Variants in RHOJ observed in about 807,000 individuals in gnomAD.
RHOJ encodes ras homolog family member J.
Under a neutral mutation model 23.4 loss-of-function variants are expected in RHOJ, and 11 were observed. The observed-to-expected ratio is 0.47, with a 90% CI of 0.30 to 0.78. The LOEUF (loss-of-function observed/expected upper bound fraction) is 0.78. Ranked by LOEUF, RHOJ falls within the 30% of genes least tolerant of loss-of-function variation. The pLI is 0.08. For missense variants in RHOJ, 254 were observed against 273.4 expected (o/e 0.93, Z 0.50); for synonymous variants, 102 against 102.7 (o/e 0.99, Z 0.04).
At chr14:63,230,131 G>A (rs1283527934) in intron 1 of RHOJ, among the ~76,000 whole-genome samples, 4 of 151,878 alleles carry the variant, frequency 2.6e-5, no homozygotes, top group African/African-American at 4.8e-5. Context: ...GCAAGCAAAG[G>A]TATGTGTATG....
intron 1 of RHOJ, among the ~76,000 whole-genome samples, chr14:63,248,242 G>A (rs1223900382): frequency 6.6e-6 from 1 of 151,876 alleles, no homozygotes; most frequent in Non-Finnish European, 1.5e-5. Context: ...ATTCAAATGG[G>A]GGCAAAATTT....
intron 1 of RHOJ, among the ~76,000 whole-genome samples, chr14:63,236,222 G>A (rs777362399): frequency 6.6e-5 from 10 of 152,144 alleles, no homozygotes; most frequent in Non-Finnish European, 1.2e-4. Context: ...TTGGAACAAG[G>A]TCTCTTCAGT....
At chr14:63,250,476 C>A (rs1016094289) in intron 1 of RHOJ, among the ~76,000 whole-genome samples, 4 of 152,062 alleles carry the variant, frequency 2.6e-5, no homozygotes, top group African/African-American at 4.8e-5. Context: ...TAGGCTCAAG[C>A]GATCTGCCCA....
intron 1 of RHOJ, among the ~76,000 whole-genome samples, chr14:63,231,741 T>C (rs1335784502): frequency 1.3e-5 from 2 of 152,236 alleles, no homozygotes; most frequent in Non-Finnish European, 2.9e-5. Context: ...CATCAATATA[T>C]GTAGCAGTGT....
chr14:63,284,479 T>C (rs991436823), intron 4 of RHOJ: 6 of 444,678 alleles, frequency 1.3e-5, no homozygotes, highest in Non-Finnish European at 1.8e-5. Flanking sequence ...GAAACAGTCT[T>C]AGAAGACAAG....
intron 1 of RHOJ, among the ~76,000 whole-genome samples, chr14:63,222,488 T>G (rs1894515971): frequency 6.6e-6 from 1 of 152,178 alleles, no homozygotes; most frequent in Non-Finnish European, 1.5e-5. Context: ...CAGCACCTGT[T>G]GTTTCCTGAC....
intron 1 of RHOJ, among the ~76,000 whole-genome samples, chr14:63,234,596 G>T (rs1036730661): frequency 9.2e-5 from 14 of 152,084 alleles, no homozygotes; most frequent in Non-Finnish European, 2.1e-4. Context: ...CAGATCTAAA[G>T]CCTTTGAATA....
intron 4 of RHOJ, among the ~76,000 whole-genome samples, chr14:63,289,344 T>C (rs1311955369): frequency 1.3e-5 from 2 of 152,162 alleles, no homozygotes; most frequent in African/African-American, 4.8e-5. Context: ...CATAGTCCCC[T>C]CCTCTCCCTA....
intron 2 of RHOJ, among the ~76,000 whole-genome samples, chr14:63,270,826 G>T (rs1426943190): frequency 6.6e-6 from 1 of 152,180 alleles, no homozygotes; most frequent in Non-Finnish European, 1.5e-5. Flanking sequence ...TTCCGAAAAA[G>T]TCTCTCTGTC....
intron 4 of RHOJ, among the ~76,000 whole-genome samples, chr14:63,287,724 C>T (rs989981394): frequency 2.0e-5 from 3 of 152,058 alleles, no homozygotes; most frequent in Admixed American, 6.5e-5. Flanking sequence ...AGTTTACACC[C>T]TCAATCTCTA....
intron 1 of RHOJ, among the ~76,000 whole-genome samples, chr14:63,266,218 A>G (rs369498341): frequency 6.6e-6 from 1 of 152,214 alleles, no homozygotes; most frequent in Non-Finnish European, 1.5e-5. Context: ...ATGTGATGCT[A>G]TACTAGAGTC....
intron 4 of RHOJ, among the ~76,000 whole-genome samples, chr14:63,285,780 T>C (rs990426248): frequency 3.3e-5 from 5 of 152,216 alleles, no homozygotes; most frequent in South Asian, 4.1e-4. Flanking sequence ...GCACCTAATA[T>C]GTGCCAGGTG....
At position 63,291,189 on chromosome 14, in the gene RHOJ, C is replaced by A; in HGVS notation, c.*165C>A. 1.3e-6 allele frequency: 1 copy of A among 749,042 alleles called. No individual in the cohort carries two copies. The highest frequency in any genetic ancestry group is 2.3e-6 in the Non-Finnish European group (1 of 435,014). The allele number at this position is 749,042 out of a possible 1,614,324, so 46.4% of individuals were successfully genotyped here. A position where few individuals can be genotyped will look rare whatever the true frequency, so the allele number is the denominator to read the frequency against. The stretch of plus-strand genomic sequence containing the variant: ...CCTCCCAACACAGCACACTAGTCAG[C>A]CCACTGCCACGACCTCCCTGCCAGC... On this transcript the variant is annotated 3_prime_UTR_variant, in exon 5 of 5. Transcript: ENST00000316754.
chr14:63,242,323 G>A (rs1894896673), intron 1 of RHOJ, among the ~76,000 whole-genome samples: 1 of 152,144 alleles, frequency 6.6e-6, no homozygotes, highest in African/African-American at 2.4e-5. Context: ...TCCCATACTT[G>A]AGGAGGCAGG....
chr14:63,242,585 G>A (rs1894902479), intron 1 of RHOJ, among the ~76,000 whole-genome samples: 1 of 152,126 alleles, frequency 6.6e-6, no homozygotes, highest in African/African-American at 2.4e-5. Context: ...AAGGGGGCCA[G>A]GGGGTTTTGT....
intron 1 of RHOJ, among the ~76,000 whole-genome samples, chr14:63,250,642 T>C (rs947891870): frequency 1.3e-5 from 2 of 152,204 alleles, no homozygotes; most frequent in African/African-American, 4.8e-5. Context: ...TTTTCCACTA[T>C]GCACACAAAC....
In RHOJ at chr14:63,229,691, C is replaced by T. The variant is rs571654168; in HGVS notation, c.178+24644C>T. Among the ~76,000 whole-genome samples the T allele has an allele frequency of 2.6e-5, 4 of 152,280 alleles. No individual in the cohort carries two copies. In the East Asian group the frequency reaches 7.7e-4, roughly 29 times the overall value. On this transcript the variant is annotated intron_variant, in intron 1 of 4. Transcript: ENST00000316754. ...CTCTTGTTTTAAATATCTAATTTTC[C>T]CTTCTGCTACCAGCTAGAGAAGACT...
chr14:63,258,761 T>C (rs1252038112), intron 1 of RHOJ, among the ~76,000 whole-genome samples: 1 of 152,096 alleles, frequency 6.6e-6, no homozygotes, highest in Non-Finnish European at 1.5e-5. Flanking sequence ...AAGAAGGTGG[T>C]TTTAAGAAGC....
intron 4 of RHOJ, among the ~76,000 whole-genome samples, chr14:63,285,055 G>C (rs904095851): frequency 1.3e-4 from 20 of 152,156 alleles, no homozygotes; most frequent in African/African-American, 4.6e-4. Context: ...TGTAATTATA[G>C]AGATGCTTTA....
Sources: allele counts gnomAD v4.1 joint callset (sites outside exome capture counted in the v4.1 genomes callset), GRCh38; gene constraint gnomAD v4.1.1; transcripts MANE v1.5; gene names NCBI Gene and HGNC (gene_info 2026-07-23, HGNC 2026-07-21).